The following MSI2 variants were observed in gnomAD, a reference collection of about 807,000 sequenced individuals.
The protein encoded by MSI2 is RNA-binding protein Musashi homolog 2.
A neutral mutation model predicts 45.6 loss-of-function variants in MSI2; 17 were observed. The ratio of observed to expected loss-of-function variants is 0.37; its 90% CI spans 0.26 to 0.56. The LOEUF is 0.56. MSI2 is among the 20% of genes least tolerant of loss of function. The pLI, the probability that MSI2 is intolerant of heterozygous loss-of-function variation, is 0.77. For missense variants in MSI2, 293 were observed against 444.2 expected (o/e 0.66, Z 3.06); for synonymous variants, 156 against 158.2 (o/e 0.99, Z 0.11).
At chr17:57,471,936 C>G (rs545057808) in intron 6 of MSI2, among the ~76,000 whole-genome samples, 702 of 152,206 alleles carry the variant, frequency 4.6e-3, no homozygotes, top group Non-Finnish European at 7.4e-3. Flanking sequence ...ATGCCTGGCT[C>G]CTTTCTCACT....
At chr17:57,580,194 C>T (rs890545567) in intron 7 of MSI2, among the ~76,000 whole-genome samples, 3 of 152,182 alleles carry the variant, frequency 2.0e-5, no homozygotes, top group Non-Finnish European at 2.9e-5. Context: ...CTGTCCAGCT[C>T]TAGCAGGGTG....
chr17:57,338,252 C>G (rs1410129466), intron 5 of MSI2, among the ~76,000 whole-genome samples: 2 of 152,072 alleles, frequency 1.3e-5, no homozygotes, highest in African/African-American at 4.8e-5. Flanking sequence ...CTATGCCCAG[C>G]TAAATTTCTG....
intron 6 of MSI2, among the ~76,000 whole-genome samples, chr17:57,467,738 C>T (rs553754239): frequency 3.4e-4 from 52 of 152,174 alleles, no homozygotes; most frequent in African/African-American, 1.0e-3. Context: ...TAGGGAATCC[C>T]GACAGTCTTC....
chr17:57,696,860 C>A, the MSI2 span, among the ~76,000 whole-genome samples: 1 of 152,148 alleles, frequency 6.6e-6, no homozygotes, highest in Non-Finnish European at 1.5e-5. Context: ...CCCAGTCCTA[C>A]CCATCCTTCT....
intron 6 of MSI2, among the ~76,000 whole-genome samples, chr17:57,435,892 A>C (rs1023020862): frequency 6.6e-6 from 1 of 152,180 alleles, no homozygotes; most frequent in Admixed American, 6.5e-5. Flanking sequence ...CACACTCTTA[A>C]TAGGAGACTT....
intron 6 of MSI2, among the ~76,000 whole-genome samples, chr17:57,403,939 A>T (rs1026248912): frequency 1.4e-5 from 2 of 141,462 alleles, no homozygotes; most frequent in Non-Finnish European, 3.0e-5. Context: ...ATGTGCACAC[A>T]CACACACACA....
chr17:57,314,432 G>A (rs146338970), intron 5 of MSI2, among the ~76,000 whole-genome samples: 14 of 152,170 alleles, frequency 9.2e-5, no homozygotes, highest in African/African-American at 2.9e-4. Context: ...TACAGCCACC[G>A]GGCAAAGTAG....
rs1400352448 is a variant in MSI2, at chr17:57,611,238, A to C, written c.538-4732A>C. Among the ~76,000 whole-genome samples, 3 of 95,912 alleles carry C rather than the reference A, an allele frequency of 3.1e-5. No homozygotes were observed. In the East Asian group the frequency reaches 7.9e-4, roughly 25 times the overall value. 62.9% of individuals were successfully genotyped at this position (95,912 alleles called of 152,430 possible). On this transcript the variant is annotated intron_variant, in intron 8 of 13. Coordinates refer to ENST00000284073, the MANE Select transcript of MSI2 (RefSeq NM_138962.4). ...AGGGGAAGTCTTAGGAGGTGGGGCCAAAATACCTGCAGCAAGAGGCCTGGT... is the reference window on the plus strand; with the variant it reads ...AGGGGAAGTCTTAGGAGGTGGGGCCCAAATACCTGCAGCAAGAGGCCTGGT...
intron 7 of MSI2, among the ~76,000 whole-genome samples, chr17:57,561,816 G>T (rs1295885755): frequency 1.3e-5 from 2 of 152,176 alleles, no homozygotes; most frequent in Non-Finnish European, 2.9e-5. Context: ...GGCCTGGAAG[G>T]TGCCTACCTA....
At position 57,280,650 on chromosome 17, in the gene MSI2, C is replaced by T. The variant is rs1033153474; in HGVS notation, c.312+18458C>T. Reference sequence around the variant, plus strand: ...CCTGGCTCAGGGGGTTGAGTGTAACCCCTTGGCTGGCAATCGGCATACTCT... The same window carrying T: ...CCTGGCTCAGGGGGTTGAGTGTAACTCCTTGGCTGGCAATCGGCATACTCT... On this transcript the variant is annotated intron_variant, in intron 5 of 13. Transcript: ENST00000284073. The surrounding 1 kb of genome is among the most constrained non-coding windows in gnomAD (Gnocchi z 4.2). Among the ~76,000 whole-genome samples the T allele has an allele frequency of 3.3e-5, 5 of 152,048 alleles. No homozygotes were observed. The South Asian group carries it at 6.2e-4, about 19-fold the overall frequency.
intron 7 of MSI2, among the ~76,000 whole-genome samples, chr17:57,557,602 GCTGGTACCCCACAGCC>G (rs1445519050): frequency 4.6e-5 from 7 of 152,352 alleles, no homozygotes; most frequent in Admixed American, 2.0e-4. Flanking sequence ...TGGGCTGTTG[GCTGGTACCCCACAGCC>G]CTGGGCTGGG....
chr17:57,636,248 T>C (rs1909826720), intron 10 of MSI2, among the ~76,000 whole-genome samples: 2 of 152,140 alleles, frequency 1.3e-5, no homozygotes, highest in South Asian at 4.1e-4. Flanking sequence ...GTTAGCAAGG[T>C]GACCGAGAGA....
intron 6 of MSI2, among the ~76,000 whole-genome samples, chr17:57,500,317 A>T (rs1303419670): frequency 6.6e-6 from 1 of 152,134 alleles, no homozygotes; most frequent in East Asian, 1.9e-4. Context: ...TAGCTTGTCC[A>T]GGTGACCTTT....
intron 6 of MSI2, among the ~76,000 whole-genome samples, chr17:57,409,529 CTGGCAAAG>C (rs1186235798): frequency 6.6e-6 from 1 of 152,214 alleles, no homozygotes; most frequent in Non-Finnish European, 1.5e-5. Flanking sequence ...AGTCGAGTTA[CTGGCAAAG>C]TGGGATTTGA....
chr17:57,357,379 G>T (rs980378699), intron 5 of MSI2, among the ~76,000 whole-genome samples: 1 of 152,098 alleles, frequency 6.6e-6, no homozygotes, highest in East Asian at 1.9e-4. Flanking sequence ...GAAGTGGGTG[G>T]TGTGGTGTAG....
In MSI2 at chr17:57,376,289, G is replaced by A. The variant is rs192913445; in HGVS notation, c.313-25090G>A. Among the ~76,000 whole-genome samples the A allele has an allele frequency of 1.1e-3, 160 of 152,298 alleles. 1 individual carries two copies. The highest frequency in any genetic ancestry group is 3.8e-3 in the African/African-American group (159 of 41,572). On this transcript the variant is annotated intron_variant, in intron 5 of 13. Coordinates refer to ENST00000284073, the MANE Select transcript of MSI2 (RefSeq NM_138962.4). The stretch of plus-strand genomic sequence containing the variant: ...TGGAAATGTCCCATTTCATAGATGA[G>A]GAAACGAAGGCTCAAAGGGATGAAG...
intron 8 of MSI2, among the ~76,000 whole-genome samples, chr17:57,610,060 C>T (rs28562163): frequency 0.1 from 15,808 of 152,136 alleles, 1,766 homozygotes; most frequent in African/African-American, 0.28. Context: ...TAAAGTATTG[C>T]ATTAATGTTA....
chr17:57,291,892 GC>G (rs1296037275), intron 5 of MSI2, among the ~76,000 whole-genome samples: 7 of 152,108 alleles, frequency 4.6e-5, no homozygotes, highest in African/African-American at 1.7e-4. Context: ...GAAGACCCCA[GC>G]CTCATTCTCC....
At chr17:57,414,563 G>T (rs971558140) in intron 6 of MSI2, among the ~76,000 whole-genome samples, 14 of 152,076 alleles carry the variant, frequency 9.2e-5, no homozygotes, top group Admixed American at 1.3e-4. Flanking sequence ...CTAATTTTTT[G>T]TATTTTTTGT....
Sources: allele counts gnomAD v4.1 joint callset (sites outside exome capture counted in the v4.1 genomes callset), GRCh38; gene constraint gnomAD v4.1.1; non-coding constraint Gnocchi (gnomAD v3.1); transcripts MANE v1.5; gene names NCBI Gene and HGNC (gene_info 2026-07-23, HGNC 2026-07-21).